DIAPH3: variants seen among roughly 807,000 people sequenced by gnomAD.
The protein encoded by DIAPH3 is diaphanous related formin 3, also known as protein diaphanous homolog 3.
DIAPH3 carries 117 observed loss-of-function variants against 144.3 expected under a neutral mutation model. The observed-to-expected ratio is 0.81, with a 90% confidence interval of 0.70 to 0.95. DIAPH3 has a LOEUF of 0.95. DIAPH3 is among the 40% of genes least tolerant of loss of function. The probability of loss-of-function intolerance (pLI) is 0.00; values close to 1 mark genes in which losing one functional copy is unlikely to be tolerated. For synonymous variants in DIAPH3, 519 were observed against 488.9 expected (o/e 1.06, Z -0.81); for missense variants, 1,421 against 1,412.7 (o/e 1.01, Z -0.09).
rs1297079992 is a variant in DIAPH3 at position 59,946,764 on chromosome 13, TA to T, written c.2075-21895del. 7.2e-5 allele frequency among the ~76,000 whole-genome samples: 11 copies of T among 152,296 alleles called. No homozygotes were observed. In the South Asian group the frequency reaches 1.7e-3, roughly 23 times the overall value. Reference sequence around the variant, plus strand: ...AAATGTAAGTACATAACGGATATGTTATTTTTTTTAACTATACCACCACTGC... The same window carrying T: ...AAATGTAAGTACATAACGGATATGTTTTTTTTTTAACTATACCACCACTGC... On this transcript the variant is annotated intron_variant, in intron 17 of 27. Transcript: ENST00000400324.
intron 24 of DIAPH3, among the ~76,000 whole-genome samples, chr13:59,812,461 CA>C (rs2040536415): frequency 6.6e-6 from 1 of 152,030 alleles, no homozygotes; most frequent in Admixed American, 6.6e-5. Flanking sequence ...CACACTAAAA[CA>C]AGTTTACATT....
At chr13:59,708,812 A>G (rs146414499) in intron 27 of DIAPH3, among the ~76,000 whole-genome samples, 160 of 152,298 alleles carry the variant, frequency 1.1e-3, no homozygotes, top group African/African-American at 3.6e-3. Flanking sequence ...TGCTTTAAAT[A>G]AGACATATTG....
intron 14 of DIAPH3, among the ~76,000 whole-genome samples, chr13:59,976,256 C>T (rs1055345174): frequency 6.6e-6 from 1 of 151,926 alleles, no homozygotes; most frequent in Non-Finnish European, 1.5e-5. Flanking sequence ...AATTCCAATT[C>T]CAGAAGTCCA....
chr13:60,099,702 A>T (rs1399744597), intron 3 of DIAPH3, among the ~76,000 whole-genome samples: 1 of 152,216 alleles, frequency 6.6e-6, no homozygotes, highest in African/African-American at 2.4e-5. Context: ...AGCAAAAAAA[A>T]TAGTTTCCCT....
At chr13:59,903,691 T>C (rs2046576356) in intron 20 of DIAPH3, among the ~76,000 whole-genome samples, 1 of 152,018 alleles carries the variant, frequency 6.6e-6, no homozygotes, top group Non-Finnish European at 1.5e-5. Flanking sequence ...TTTTCACTCA[T>C]AGAGAAATCA....
intron 27 of DIAPH3, among the ~76,000 whole-genome samples, chr13:59,678,097 G>A (rs769244101): frequency 7.2e-5 from 11 of 152,136 alleles, no homozygotes; most frequent in African/African-American, 2.7e-4. Flanking sequence ...CTTTCAAAAT[G>A]AGAGTGACCT....
At chr13:60,103,658 A>C (rs1278941867) in intron 3 of DIAPH3, among the ~76,000 whole-genome samples, 1 of 152,218 alleles carries the variant, frequency 6.6e-6, no homozygotes, top group Admixed American at 6.5e-5. Flanking sequence ...TAATTTCAAT[A>C]ACATTATGTT....
intron 7 of DIAPH3, among the ~76,000 whole-genome samples, chr13:60,011,755 C>T (rs1284917333): frequency 5.3e-5 from 8 of 152,110 alleles, no homozygotes; most frequent in Non-Finnish European, 1.0e-4. Flanking sequence ...GAAACTGCCA[C>T]AATGGGCACA....
intron 27 of DIAPH3, among the ~76,000 whole-genome samples, chr13:59,742,920 A>T (rs2036533584): frequency 6.6e-6 from 1 of 152,172 alleles, no homozygotes. Flanking sequence ...TTGAATCTTA[A>T]TGAAATGTTG....
chr13:59,936,764 C>CA (rs553651775), intron 17 of DIAPH3, among the ~76,000 whole-genome samples: 3 of 152,170 alleles, frequency 2.0e-5, no homozygotes, highest in Non-Finnish European at 4.4e-5. Flanking sequence ...TATGTGCCCT[C>CA]AAAATCTCAC....
At position 59,666,946 on chromosome 13, in the gene DIAPH3, G is replaced by T. The variant is rs1289127018; in HGVS notation, c.3320-100C>A. On this transcript the variant is annotated intron_variant, in intron 27 of 27. Transcript: ENST00000400324. ...TAAAATAATTATTCTCAATAAATAA[G>T]TAGTCTTCTTAGATAGACTAAACAA... 4 of 1,379,574 alleles carry T rather than the reference G, an allele frequency of 2.9e-6. No individual in the cohort carries two copies. In the Admixed American group the frequency reaches 5.8e-5, roughly 20 times the overall value. The allele number at this position is 1,379,574 out of a possible 1,614,324, so 85.5% of individuals were successfully genotyped here.
chr13:59,986,779 C>T (rs1427427253), intron 12 of DIAPH3, among the ~76,000 whole-genome samples: 23 of 149,686 alleles, frequency 1.5e-4, no homozygotes, highest in African/African-American at 5.4e-4. Context: ...TATGAGATAT[C>T]ATCTCACACC....
At chr13:60,078,578 A>G (rs1264643412) in intron 4 of DIAPH3, among the ~76,000 whole-genome samples, 1 of 152,094 alleles carries the variant, frequency 6.6e-6, no homozygotes, top group Non-Finnish European at 1.5e-5. Context: ...GATAATTTTT[A>G]GAAGAAAACT....
At chr13:60,073,813 G>A (rs1163502250) in intron 4 of DIAPH3, among the ~76,000 whole-genome samples, 1 of 152,146 alleles carries the variant, frequency 6.6e-6, no homozygotes, top group African/African-American at 2.4e-5. Context: ...ATGAATTTTT[G>A]TGCTATTCCA....
chr13:59,810,281 T>G (rs892379461), intron 25 of DIAPH3, among the ~76,000 whole-genome samples: 1 of 152,090 alleles, frequency 6.6e-6, no homozygotes, highest in African/African-American at 2.4e-5. Context: ...CACCTCAACC[T>G]CCCGAGTAGC....
chr13:59,747,329 T>C (rs2036757884), intron 27 of DIAPH3, among the ~76,000 whole-genome samples: 1 of 152,144 alleles, frequency 6.6e-6, no homozygotes, highest in Non-Finnish European at 1.5e-5. Flanking sequence ...TCAATAAATA[T>C]TTATGTGACT....
In DIAPH3 at chr13:59,942,834, T is replaced by C. The variant is rs1478701841; in HGVS notation, c.2075-17964A>G. Among the ~76,000 whole-genome samples the C allele has an allele frequency of 3.9e-5, 6 of 152,288 alleles. No individual in the cohort carries two copies. The South Asian group carries it at 8.3e-4, about 21-fold the overall frequency. ...TTGTTTCACAAAGCAATAAACCCAG[T>C]GTAATTTTCCATGTTCATATGTCTA... On this transcript the variant is annotated intron_variant, in intron 17 of 27. Transcript: ENST00000400324.
At chr13:60,142,366 C>T (rs2059442520) in intron 1 of DIAPH3, among the ~76,000 whole-genome samples, 1 of 151,868 alleles carries the variant, frequency 6.6e-6, no homozygotes, top group South Asian at 2.1e-4. Context: ...ACTGTAAAGC[C>T]AATAAAGGCA....
chr13:60,008,600 T>C lies in DIAPH3; in HGVS notation c.958A>G (p.Ile320Val). The part of the protein sequence containing the change: ...ALTSAGEEKK[I>V]DRFFCIVEGL... ...TCCACAATACAAAAAAATCTGTCAA[T>C]TTTTTTTTCTTCACCAGCTGAAGTT... The change falls in exon 9 of 28, where the codon ATT becomes GTT. Residue 320 changes from isoleucine (I) to valine (V), a missense_variant. Transcript: ENST00000400324. The C allele has an allele frequency of 6.2e-7, 1 of 1,609,152 alleles. No individual in the cohort carries two copies. The highest frequency in any genetic ancestry group is 1.1e-5 in the South Asian group (1 of 90,770).
Sources: gnomAD v4.1 joint callset for allele counts (sites outside exome capture counted in the v4.1 genomes callset) on GRCh38, gnomAD v4.1.1 for gene constraint, MANE v1.5 for transcripts, NCBI Gene and HGNC (gene_info 2026-07-23, HGNC 2026-07-21) for gene names.